WDR17: variants seen among roughly 807,000 people sequenced by gnomAD.
WDR17 encodes the protein WD repeat domain 17, also known as WD repeat-containing protein 17.
WDR17 carries 143 observed loss-of-function variants against 161.7 expected under a neutral mutation model. That is an observed-to-expected ratio of 0.88 (90% CI 0.77 to 1.02). The LOEUF is 1.02. WDR17 is among the 50% of genes least tolerant of loss of function. WDR17 has a pLI of 0.00. For missense variants in WDR17, 1,469 were observed against 1,520.9 expected (o/e 0.97, Z 0.57); for synonymous variants, 517 against 515.6 (o/e 1.00, Z -0.04).
chr4:176,107,602 A>T (rs749097650), intron 1 of WDR17, among the ~76,000 whole-genome samples: 1 of 151,780 alleles, frequency 6.6e-6, no homozygotes, highest in Non-Finnish European at 1.5e-5. Context: ...TTCAGCTTTA[A>T]ATCAGAAGGA....
At chr4:176,127,369 T>G (rs1486309956) in intron 5 of WDR17, among the ~76,000 whole-genome samples, 1 of 151,980 alleles carries the variant, frequency 6.6e-6, no homozygotes, top group Non-Finnish European at 1.5e-5. Context: ...CTTGGCTCAC[T>G]GCAACCTCCA....
chr4:176,149,817 C>A lies in WDR17; in HGVS notation c.1908C>A (p.Cys636Ter). 6.2e-7 allele frequency: 1 copy of A among 1,612,398 alleles called. No individual in the cohort carries two copies. Among genetic ancestry groups the A allele is most frequent in the Non-Finnish European group, 8.5e-7 (1 of 1,179,642 alleles). ...DHGADVYGLT[C>*]HPSRPFTMAS... ...TTTTATTTTCATCAGGTTTAACCTG[C>A]CATCCCAGTCGCCCCTTCACTATGG... The change falls in exon 14 of 29, where the codon TGC (cysteine) becomes TGA (stop). Residue 636 changes from cysteine to a stop codon, truncating the protein, a stop_gained. Coordinates refer to ENST00000508596, the MANE Select transcript of WDR17 (RefSeq NM_181265.4). LOFTEE classifies it high-confidence loss of function.
At chr4:176,153,044 G>A (rs1206969589) in intron 17 of WDR17, among the ~76,000 whole-genome samples, 2 of 152,116 alleles carry the variant, frequency 1.3e-5, no homozygotes, top group African/African-American at 4.8e-5. Context: ...CAGGACAGCA[G>A]CATTGGCATC....
intron 1 of WDR17, among the ~76,000 whole-genome samples, chr4:176,108,998 C>T (rs1739270429): frequency 6.6e-6 from 1 of 152,090 alleles, no homozygotes; most frequent in Non-Finnish European, 1.5e-5. Context: ...CTACGTTGCC[C>T]AGACTCATCT....
intron 19 of WDR17, 143 bp downstream of exon 19, chr4:176,160,269 T>C (rs2126846649): frequency 1.2e-6 from 1 of 859,822 alleles, no homozygotes; most frequent in Middle Eastern, 2.4e-4. Context: ...GCCTTCTTTC[T>C]CAACATTTGA....
intron 1 of WDR17, among the ~76,000 whole-genome samples, chr4:176,070,292 A>G (rs1017514926): frequency 5.5e-4 from 83 of 152,142 alleles, no homozygotes; most frequent in Admixed American, 5.4e-3. Flanking sequence ...TTTAGGGGGA[A>G]TTTTATGTTG....
At chr4:176,165,978 T>A (rs977424334) in intron 22 of WDR17, 6 of 415,472 alleles carry the variant, frequency 1.4e-5, no homozygotes, top group Non-Finnish European at 2.6e-5. Flanking sequence ...CTGCACAGAT[T>A]TTTTAAAAGA....
In WDR17 at chr4:176,177,483, C is replaced by G. The variant is rs762869143; in HGVS notation, c.3561C>G (p.Asp1187Glu). 6.4e-7 allele frequency: 1 copy of G among 1,557,112 alleles called. No homozygotes were observed. The highest frequency in any genetic ancestry group is 2.3e-5 in the Admixed American group (1 of 43,716). ...CTQSTNRSLEDSPYTPPSDSQ... is the reference protein window; with the variant it reads ...CTQSTNRSLEESPYTPPSDSQ... ...GTTGAAAATATAGATCATTAGAAGA[C>G]TCTCCGTATACACCCCCTTCTGATT... The change falls in exon 28 of 29, where the codon GAC (aspartate) becomes GAG (glutamate). Residue 1187 changes from aspartate (D) to glutamate (E), a missense_variant. Asp to Glu is a conservative substitution (Grantham distance 45). Transcript: ENST00000508596.
At position 176,108,514 on chromosome 4, in the gene WDR17, T is replaced by G. The variant is rs567836178; in HGVS notation, c.-6-3061T>G. ...TGGTGGATACCTATCATTACACATT[T>G]GTCAAAACCTGTATGATGGAGAACA... is the stretch of plus-strand genomic sequence containing the variant. On this transcript the variant is annotated intron_variant, in intron 1 of 28. Transcript: ENST00000508596. Among the ~76,000 whole-genome samples, 3 of 152,252 alleles carry G rather than the reference T, an allele frequency of 2.0e-5. No homozygotes were observed. The South Asian group carries it at 6.2e-4, about 32-fold the overall frequency.
At chr4:176,090,024 T>C (rs1031243450) in intron 1 of WDR17, among the ~76,000 whole-genome samples, 7 of 152,130 alleles carry the variant, frequency 4.6e-5, no homozygotes, top group African/African-American at 1.4e-4. Flanking sequence ...AATGTTATCT[T>C]CCTCCAGAGA....
rs1391361118 is a variant in WDR17, at chr4:176,146,126, G to A, written c.1661G>A (p.Arg554Lys). The A allele has an allele frequency of 1.3e-5, 21 of 1,613,746 alleles. No individual in the cohort carries two copies. Among genetic ancestry groups the A allele is most frequent in the Non-Finnish European group, 1.7e-5 (20 of 1,179,892 alleles). Residue 554 changes from arginine to lysine, a missense_variant, in exon 12 of 29, where the codon AGA becomes AAA. Arg to Lys is a conservative substitution (Grantham distance 26). Coordinates refer to ENST00000508596, the MANE Select transcript of WDR17 (RefSeq NM_181265.4). ...KVFHVKWSPL[R>K]EGILCSGSDD... ...TTTCATGTTAAATGGTCTCCTCTGA[G>A]AGAGGGAATTCTTTGCAGTGGTTCT...
chr4:176,107,422 A>G (rs1351200272), intron 1 of WDR17, among the ~76,000 whole-genome samples: 1 of 148,298 alleles, frequency 6.7e-6, no homozygotes, highest in African/African-American at 2.5e-5. Context: ...CTAGTATCCC[A>G]CTTCTGCATA....
In WDR17 at chr4:176,163,339, C is replaced by T. The variant is rs200549030; in HGVS notation, c.2990+46C>T. On this transcript the variant is annotated intron_variant, in intron 22 of 28. Transcript: ENST00000508596. ...AGAATAATTTCATAGTGATGGAATA[C>T]ATTTTTAAAACATTATAAATTCCAT... 6.4e-6 allele frequency: 10 copies of T among 1,555,694 alleles called. No homozygotes were observed. In the East Asian group the frequency reaches 2.0e-4, roughly 32 times the overall value.
intron 1 of WDR17, among the ~76,000 whole-genome samples, chr4:176,108,625 G>A (rs866652741): frequency 1.9e-4 from 29 of 152,124 alleles, no homozygotes; most frequent in African/African-American, 4.3e-4. Flanking sequence ...TGTGCCATCC[G>A]GTGCTGAGTG....
chr4:176,162,357 C>T (rs1423437283), intron 21 of WDR17, among the ~76,000 whole-genome samples, 183 bp downstream of exon 21: 1 of 152,146 alleles, frequency 6.6e-6, no homozygotes, highest in Non-Finnish European at 1.5e-5. Flanking sequence ...GTTTTAAGCA[C>T]ACATAGACTA....
chr4:176,134,061 CA>C (rs1247982457), intron 7 of WDR17, among the ~76,000 whole-genome samples: 1 of 151,756 alleles, frequency 6.6e-6, no homozygotes, highest in Non-Finnish European at 1.5e-5. Flanking sequence ...CCACATAGGA[CA>C]GCTTCAGCCA....
At chr4:176,084,576 T>C (rs939111019) in intron 1 of WDR17, among the ~76,000 whole-genome samples, 2 of 151,778 alleles carry the variant, frequency 1.3e-5, no homozygotes, top group African/African-American at 4.9e-5. Flanking sequence ...AATATTGTCC[T>C]ATATGTCAAT....
intron 1 of WDR17, among the ~76,000 whole-genome samples, chr4:176,084,462 A>G (rs1735164966): frequency 6.6e-6 from 1 of 152,076 alleles, no homozygotes; most frequent in Non-Finnish European, 1.5e-5. Context: ...TAATACAGAC[A>G]CCTTTCCATT....
At chr4:176,074,030 A>C (rs1179806774) in intron 1 of WDR17, among the ~76,000 whole-genome samples, 1 of 150,188 alleles carries the variant, frequency 6.7e-6, no homozygotes, top group Non-Finnish European at 1.5e-5. Context: ...GGTTGCAAAA[A>C]TGTTCTCCCA....
Sources: allele counts gnomAD v4.1 joint callset (sites outside exome capture counted in the v4.1 genomes callset), GRCh38; gene constraint gnomAD v4.1.1; transcripts MANE v1.5; gene names NCBI Gene and HGNC (gene_info 2026-07-23, HGNC 2026-07-21).